The following SPTAN1 variants were observed in gnomAD, a reference collection of about 807,000 sequenced individuals.
SPTAN1 encodes the protein spectrin alpha, non-erythrocytic 1, also known as spectrin alpha chain, non-erythrocytic 1.
In SPTAN1, 61 loss-of-function variants were observed where a neutral mutation model predicts 331.3. The observed-to-expected ratio is 0.18, with a 90% CI of 0.15 to 0.23. SPTAN1 has a LOEUF of 0.23. Ranked by LOEUF, SPTAN1 falls within the 10% of genes least tolerant of loss-of-function variation. The pLI is 1.00. For missense variants in SPTAN1, 2,043 were observed against 3,147.9 expected, an observed-to-expected ratio of 0.65 and a Z score of 8.40; for synonymous variants, 1,153 against 1,173.9, an observed-to-expected ratio of 0.98 and a Z score of 0.36.
chr9:128,612,299 C>G, intron 39 of SPTAN1, 53 bp downstream of exon 39: 1 of 1,612,776 alleles, frequency 6.2e-7, no homozygotes, highest in South Asian at 1.1e-5. Flanking sequence ...AGTCATTTGG[C>G]ACAGTGGGTC....
chr9:128,606,500 G>A (rs370432744), intron 31 of SPTAN1, among the ~76,000 whole-genome samples: 1 of 144,648 alleles, frequency 6.9e-6, no homozygotes, highest in Non-Finnish European at 1.5e-5. Flanking sequence ...TTTTTTTTGG[G>A]GGGGGAAGCG....
chr9:128,556,110 AC>A (rs1216193809), intron 1 of SPTAN1, among the ~76,000 whole-genome samples: 2 of 151,994 alleles, frequency 1.3e-5, no homozygotes, highest in Non-Finnish European at 2.9e-5. Flanking sequence ...AATCCCAGCT[AC>A]TTGGGAAGCT....
Position 128,566,838 on chromosome 9 carries a change from C to A in SPTAN1, c.98C>A (p.Ser33Ter). 1 of 1,614,222 alleles carries A rather than the reference C, an allele frequency of 6.2e-7. No individual in the cohort carries two copies. Among genetic ancestry groups the A allele is most frequent in the South Asian group, 1.1e-5 (1 of 91,082 alleles). Residue 33 changes from serine to a stop codon, truncating the protein, a stop_gained, in exon 2 of 57, where the codon TCA (serine) becomes TAA (stop). Coordinates refer to ENST00000372739, the MANE Select transcript of SPTAN1 (RefSeq NM_001130438.3). LOFTEE classifies it high-confidence loss of function. ...CGATACCACCGCTTCAAGGAACTCT[C>A]AACCCTTAGGCGTCAGAAGCTGGAA... ...LDRYHRFKELSTLRRQKLEDS... is the reference protein window; with the variant it reads ...LDRYHRFKEL
intron 44 of SPTAN1, 121 bp from the exon 45 acceptor site, chr9:128,621,037 G>A (rs1341581465): frequency 8.7e-6 from 7 of 801,508 alleles, no homozygotes; most frequent in Admixed American, 5.5e-5. Flanking sequence ...CTCTTCCCCA[G>A]CTAGACTGTA....
rs2131015101 is a variant in SPTAN1, at chr9:128,577,417, T to C, written c.996T>C (p.Ile332=). Residue 332 remains isoleucine, a synonymous_variant, in exon 8 of 57, where the codon ATT becomes ATC. Coordinates refer to ENST00000372739, the MANE Select transcript of SPTAN1 (RefSeq NM_001130438.3). This position sits in a 1 kb window ranked among gnomAD's most constrained non-coding sequence, Gnocchi z 4.2. The stretch of plus-strand genomic sequence containing the variant: ...CCCACCCTCTGAGTGCAACACAGAT[T>C]CAAGTGAAGCGAGAGGAACTGATTA... ...QQSHPLSATQ[I]QVKREELITN... 8 of 1,614,190 alleles carry C rather than the reference T, an allele frequency of 5.0e-6. No individual in the cohort carries two copies. The highest frequency in any genetic ancestry group is 6.8e-6 in the Non-Finnish European group (8 of 1,180,028).
At chr9:128,598,648 A>G (rs1169802329) in intron 25 of SPTAN1, 144 bp downstream of exon 25, 2 of 771,382 alleles carry the variant, frequency 2.6e-6, no homozygotes, top group East Asian at 5.4e-5. Flanking sequence ...TGTGACCAAA[A>G]CCATTTTGAT....
At chr9:128,575,850 C>G (rs970932660) in intron 5 of SPTAN1, among the ~76,000 whole-genome samples, 1 of 152,176 alleles carries the variant, frequency 6.6e-6, no homozygotes, top group African/African-American at 2.4e-5. Flanking sequence ...CCCACGTGTA[C>G]AATCCTGTAA....
intron 41 of SPTAN1, among the ~76,000 whole-genome samples, chr9:128,616,506 C>T (rs1026507538): frequency 5.9e-5 from 9 of 151,594 alleles, no homozygotes; most frequent in African/African-American, 2.2e-4. Context: ...GTGGCTCACG[C>T]CTGTGATCAC....
Position 128,609,215 on chromosome 9 carries a change from T to A in SPTAN1, c.4689T>A (p.Ile1563=). The A allele has an allele frequency of 6.2e-7, 1 of 1,614,242 alleles. No individual in the cohort carries two copies. The highest frequency in any genetic ancestry group is 8.5e-7 in the Non-Finnish European group (1 of 1,180,050). Residue 1563 remains isoleucine (I), a synonymous_variant, in exon 36 of 57, where the codon ATT becomes ATA. Transcript: ENST00000372739. ...AGTTCAGCCGGGATGTGGATGAGATTGAGGCTTGGATCAGTGAAAAATTGC... is the reference window on the plus strand; with the variant it reads ...AGTTCAGCCGGGATGTGGATGAGATAGAGGCTTGGATCAGTGAAAAATTGC... ...LQQFSRDVDE[I]EAWISEKLQT...
intron 10 of SPTAN1, 100 bp downstream of exon 10, chr9:128,579,838 C>A: frequency 1.0e-6 from 1 of 972,242 alleles, no homozygotes; most frequent in Non-Finnish European, 1.6e-6. Context: ...AACGCATTCA[C>A]CATGATATGT....
chr9:128,600,951 C>T (rs1278632900), intron 27 of SPTAN1, among the ~76,000 whole-genome samples: 1 of 137,034 alleles, frequency 7.3e-6, no homozygotes, highest in African/African-American at 2.7e-5. Flanking sequence ...GCCTGAGTCA[C>T]AGCACACAGC....
At chr9:128,564,271 T>G (rs1034655881) in intron 1 of SPTAN1, among the ~76,000 whole-genome samples, 1 of 151,830 alleles carries the variant, frequency 6.6e-6, no homozygotes, top group African/African-American at 2.4e-5. Context: ...ATACAAAAAT[T>G]AGCTAGGCAC....
intron 1 of SPTAN1, among the ~76,000 whole-genome samples, chr9:128,566,196 A>G (rs1469826495): frequency 1.3e-5 from 2 of 152,158 alleles, no homozygotes; most frequent in East Asian, 3.8e-4. Context: ...AGCTGGTACC[A>G]TAGGCACACA....
Position 128,632,228 on chromosome 9 carries a change from G to A in SPTAN1, c.6864G>A (p.Thr2288=), listed in dbSNP as rs577730526. The change falls in exon 53 of 57, where the codon ACG becomes ACA. Residue 2288 remains threonine, a synonymous_variant. Coordinates refer to ENST00000372739, the MANE Select transcript of SPTAN1 (RefSeq NM_001130438.3). ...CCCTCATCCTGGACAACAAGTACAC[G>A]GAGCACAGCACCGTGGGCCTCGCCC... ...EEALILDNKY[T]EHSTVGLAQQ... The A allele has an allele frequency of 8.7e-6, 14 of 1,613,462 alleles. No individual in the cohort carries two copies. The African/African-American group carries it at 9.3e-5, about 11-fold the overall frequency.
At chr9:128,597,005 C>T (rs533803132) in intron 24 of SPTAN1, among the ~76,000 whole-genome samples, 1 of 152,240 alleles carries the variant, frequency 6.6e-6, no homozygotes, top group South Asian at 2.1e-4. Flanking sequence ...GCTGAAAATA[C>T]AAAAATTAGC....
At chr9:128,595,622 C>T (rs1030931843) in intron 24 of SPTAN1, among the ~76,000 whole-genome samples, 5 of 151,960 alleles carry the variant, frequency 3.3e-5, no homozygotes, top group African/African-American at 4.8e-5. Flanking sequence ...AGTACATTCA[C>T]AGTGTTGTGC....
rs377521527 is a variant in SPTAN1 at position 128,630,949 on chromosome 9, T to C, written c.6762+574T>C. 5.3e-5 allele frequency among the ~76,000 whole-genome samples: 8 copies of C among 152,214 alleles called. No homozygotes were observed. In the East Asian group the frequency reaches 1.6e-3, roughly 30 times the overall value. On this transcript the variant is annotated intron_variant, in intron 52 of 56. Coordinates refer to ENST00000372739, the MANE Select transcript of SPTAN1 (RefSeq NM_001130438.3). Reference sequence around the variant, plus strand: ...GTCTCGAACTCCTGACCTCGGCTGATCTGCCCGCCTCGGCCTCCCAAAGTG... The same window carrying C: ...GTCTCGAACTCCTGACCTCGGCTGACCTGCCCGCCTCGGCCTCCCAAAGTG...
chr9:128,626,600 G>A lies in SPTAN1; in HGVS notation c.6489G>A (p.Lys2163=). The change falls in exon 49 of 57, where the codon AAG becomes AAA. Residue 2163 remains lysine (K), a synonymous_variant. Transcript: ENST00000372739. ...TGGCCGAGCTGGACCGCCAGATCAA[G>A]AGCTTCCGCGTAGCCTCCAACCCCT... The part of the protein sequence containing the change: ...NQLAELDRQI[K]SFRVASNPYT... 6.2e-7 allele frequency: 1 copy of A among 1,614,056 alleles called. No homozygotes were observed.
chr9:128,583,848 A>T lies in SPTAN1; in HGVS notation c.2072A>T (p.Glu691Val). Reference sequence around the variant, plus strand: ...TTTAATCGCAATGTTGAGGATATTGAATTGTGGCTATATGAAGTAGAAGGT... The same window carrying T: ...TTTAATCGCAATGTTGAGGATATTGTATTGTGGCTATATGAAGTAGAAGGT... ...QQFNRNVEDIELWLYEVEGHL... is the reference protein window; with the variant it reads ...QQFNRNVEDIVLWLYEVEGHL... The change falls in exon 16 of 57, where the codon GAA (glutamate) becomes GTA (valine). Residue 691 changes from glutamate (E) to valine (V), a missense_variant. Physicochemically the swap from Glu to Val is moderately radical, Grantham distance 121. Transcript: ENST00000372739. 6.2e-7 allele frequency: 1 copy of T among 1,614,224 alleles called. No homozygotes were observed. Among genetic ancestry groups the T allele is most frequent in the South Asian group, 1.1e-5 (1 of 91,084 alleles).
Sources: gnomAD v4.1 joint callset for allele counts (sites outside exome capture counted in the v4.1 genomes callset) on GRCh38, gnomAD v4.1.1 for gene constraint, Gnocchi (gnomAD v3.1) non-coding constraint, MANE v1.5 for transcripts, NCBI Gene and HGNC (gene_info 2026-07-23, HGNC 2026-07-21) for gene names.